CADPS2: variants seen among roughly 807,000 people sequenced by gnomAD.
CADPS2 encodes the protein calcium dependent secretion activator 2.
A neutral mutation model predicts 172.5 loss-of-function variants in CADPS2; 93 were observed. The ratio of observed to expected loss-of-function variants is 0.54; its 90% CI spans 0.46 to 0.64. The LOEUF is 0.64. CADPS2 is among the 30% of genes least tolerant of loss of function. The pLI is 0.00. For missense variants in CADPS2, 1,420 were observed against 1,565.9 expected, an observed-to-expected ratio of 0.91 and a Z score of 1.57; for synonymous variants, 546 against 555.2, an observed-to-expected ratio of 0.98 and a Z score of 0.23.
chr7:122,529,605 C>A (rs185758775), intron 8 of CADPS2, among the ~76,000 whole-genome samples: 1 of 152,064 alleles, frequency 6.6e-6, no homozygotes, highest in Admixed American at 6.6e-5. Flanking sequence ...GGAGGAAAAT[C>A]AGCCTTTGGA....
intron 28 of CADPS2, among the ~76,000 whole-genome samples, 177 bp from the exon 29 acceptor site, chr7:122,325,758 A>G (rs2033706671): frequency 6.6e-6 from 1 of 152,164 alleles, no homozygotes; most frequent in African/African-American, 2.4e-5. Flanking sequence ...ATGCTTTGCT[A>G]GAAAATCTGT....
intron 7 of CADPS2, among the ~76,000 whole-genome samples, chr7:122,561,451 T>A (rs978046756): frequency 6.6e-6 from 1 of 152,076 alleles, no homozygotes; most frequent in Non-Finnish European, 1.5e-5. Context: ...AAGATCAAGA[T>A]TAGAAGCTTT....
intron 2 of CADPS2, among the ~76,000 whole-genome samples, chr7:122,728,566 G>A (rs1253602844): frequency 6.6e-6 from 1 of 151,664 alleles, no homozygotes; most frequent in East Asian, 1.9e-4. Flanking sequence ...GATTTGTCCT[G>A]AAAGTAAAGT....
chr7:122,454,753 G>A (rs1294706195), intron 14 of CADPS2, among the ~76,000 whole-genome samples: 1 of 152,130 alleles, frequency 6.6e-6, no homozygotes. Flanking sequence ...TAGACTCAGA[G>A]TATTCGAGAT....
At chr7:122,686,609 A>C (rs1293759869) in intron 2 of CADPS2, among the ~76,000 whole-genome samples, 1 of 152,182 alleles carries the variant, frequency 6.6e-6, no homozygotes, top group Non-Finnish European at 1.5e-5. Flanking sequence ...CTGCTCGAAG[A>C]TGCTTTTCCC....
intron 2 of CADPS2, among the ~76,000 whole-genome samples, chr7:122,734,099 T>A (rs979929633): frequency 6.6e-6 from 1 of 151,828 alleles, no homozygotes; most frequent in Non-Finnish European, 1.5e-5. Flanking sequence ...CTGCTTTTAG[T>A]CAGCTATGGT....
At chr7:122,513,927 T>C (rs1457654037) in intron 8 of CADPS2, among the ~76,000 whole-genome samples, 1 of 152,210 alleles carries the variant, frequency 6.6e-6, no homozygotes, top group African/African-American at 2.4e-5. Flanking sequence ...AAAATTCTGA[T>C]AGTAACGAAG....
intron 28 of CADPS2, among the ~76,000 whole-genome samples, chr7:122,329,808 G>C (rs2150791209): frequency 6.6e-6 from 1 of 152,170 alleles, no homozygotes; most frequent in Admixed American, 6.5e-5. Context: ...ACCCTCCAAG[G>C]CTGATATTCC....
At chr7:122,776,486 A>AT (rs1198709439) in intron 1 of CADPS2, among the ~76,000 whole-genome samples, 3 of 152,118 alleles carry the variant, frequency 2.0e-5, no homozygotes, top group Admixed American at 6.5e-5. Flanking sequence ...GGGTACTGCT[A>AT]TAAGGATACC....
intron 1 of CADPS2, among the ~76,000 whole-genome samples, chr7:122,880,796 AAC>A (rs1297505634): frequency 6.6e-6 from 1 of 152,248 alleles, no homozygotes; most frequent in Non-Finnish European, 1.5e-5. Context: ...AAACACAGTG[AAC>A]ATAAAATGAT....
At chr7:122,591,465 T>A (rs1462816571) in intron 6 of CADPS2, among the ~76,000 whole-genome samples, 1 of 152,112 alleles carries the variant, frequency 6.6e-6, no homozygotes, top group Non-Finnish European at 1.5e-5. Flanking sequence ...ATGACTTTCT[T>A]CACAGAATTG....
Position 122,650,559 on chromosome 7 carries a change from A to G in CADPS2, c.786+12678T>C, listed in dbSNP as rs2079047842. On this transcript the variant is annotated intron_variant, in intron 3 of 29. Coordinates refer to ENST00000449022, the MANE Select transcript of CADPS2 (RefSeq NM_017954.11). Reference sequence around the variant, plus strand: ...TCTAAAAATAAATACAGGAATGTCTAAAGGTAATCTATATTCATTATCTAG... The same window carrying G: ...TCTAAAAATAAATACAGGAATGTCTGAAGGTAATCTATATTCATTATCTAG... Among the ~76,000 whole-genome samples, 2 of 152,188 alleles carry G rather than the reference A, an allele frequency of 1.3e-5. 1 individual carries two copies. The highest frequency in any genetic ancestry group is 4.1e-4 in the South Asian group (2 of 4,836).
intron 2 of CADPS2, among the ~76,000 whole-genome samples, chr7:122,708,782 C>T (rs915383992): frequency 2.0e-5 from 3 of 151,264 alleles, no homozygotes; most frequent in South Asian, 2.1e-4. Context: ...TTCAGTCTAC[C>T]GATTTAGAAG....
At chr7:122,784,181 G>T (rs1024142321) in intron 1 of CADPS2, among the ~76,000 whole-genome samples, 4 of 152,012 alleles carry the variant, frequency 2.6e-5, no homozygotes, top group Non-Finnish European at 5.9e-5. Flanking sequence ...AATAAGCTCA[G>T]TTTTTTAAAA....
chr7:122,448,523 G>A (rs535853355), intron 15 of CADPS2, among the ~76,000 whole-genome samples: 2 of 152,322 alleles, frequency 1.3e-5, no homozygotes, highest in African/African-American at 2.4e-5. Context: ...AACTTTAAGA[G>A]AGGACAGGAA....
intron 3 of CADPS2, among the ~76,000 whole-genome samples, chr7:122,636,462 G>T (rs942216419): frequency 5.5e-4 from 55 of 100,172 alleles, no homozygotes; most frequent in African/African-American, 1.7e-3. Flanking sequence ...CACAAGAGAT[G>T]TTTTTTTTTT....
At chr7:122,632,591 A>G (rs536060571) in intron 3 of CADPS2, among the ~76,000 whole-genome samples, 4 of 152,266 alleles carry the variant, frequency 2.6e-5, no homozygotes, top group African/African-American at 9.6e-5. Flanking sequence ...ATATCTGTAT[A>G]TTAGATCTTT....
chr7:122,874,452 C>T (rs1055809369), intron 1 of CADPS2, among the ~76,000 whole-genome samples: 14 of 152,260 alleles, frequency 9.2e-5, no homozygotes, highest in Admixed American at 3.3e-4. Flanking sequence ...AAAATGGCCA[C>T]ACTACCCAAA....
rs139738019 is a variant in CADPS2 at position 122,784,138 on chromosome 7, C to T, written c.340-47070G>A. Among the ~76,000 whole-genome samples the T allele has an allele frequency of 3.1e-3, 478 of 152,248 alleles. 2 individuals are homozygous for T. The highest frequency in any genetic ancestry group is 0.011 in the African/African-American group (462 of 41,546). Reference sequence around the variant, plus strand: ...ACTTCCATTAAAATTATTTTTCCCACCATGACCCACTATTTATCATCTCAC... The same window carrying T: ...ACTTCCATTAAAATTATTTTTCCCATCATGACCCACTATTTATCATCTCAC... On this transcript the variant is annotated intron_variant, in intron 1 of 29. Transcript: ENST00000449022.
Sources: gnomAD v4.1 joint callset for allele counts (sites outside exome capture counted in the v4.1 genomes callset) on GRCh38, gnomAD v4.1.1 for gene constraint, MANE v1.5 for transcripts, NCBI Gene and HGNC (gene_info 2026-07-23, HGNC 2026-07-21) for gene names.